The following RYR2 variants were observed in gnomAD, a reference collection of about 807,000 sequenced individuals.
RYR2 encodes the protein cardiac muscle ryanodine receptor-calcium release channel.
Under a neutral mutation model 601.1 loss-of-function variants are expected in RYR2, and 227 were observed. That is an observed-to-expected ratio of 0.38 (90% CI 0.34 to 0.42). The LOEUF (loss-of-function observed/expected upper bound fraction) is 0.42, where lower values mean the gene tolerates loss of function less well. Ranked by LOEUF, RYR2 falls within the 10% of genes least tolerant of loss-of-function variation. The pLI is 1.00. For missense variants in RYR2, 4,646 were observed against 6,156.5 expected (o/e 0.75, Z 8.21); for synonymous variants, 2,223 against 2,175.1 (o/e 1.02, Z -0.61).
At chr1:237,590,104 A>G (rs1674984570) in intron 30 of RYR2, 103 bp downstream of exon 30, 7 of 1,059,620 alleles carry the variant, frequency 6.6e-6, no homozygotes, top group South Asian at 1.7e-5. Context: ...CTTACTTAAA[A>G]TGATGACCTT....
intron 29 of RYR2, among the ~76,000 whole-genome samples, chr1:237,585,161 A>T (rs1301471752): frequency 6.6e-6 from 1 of 152,076 alleles, no homozygotes; most frequent in Non-Finnish European, 1.5e-5. Flanking sequence ...GATCCATGAA[A>T]CCTAAAATGT....
intron 1 of RYR2, among the ~76,000 whole-genome samples, chr1:237,050,969 C>T (rs1661190104): frequency 6.6e-6 from 1 of 152,216 alleles, no homozygotes; most frequent in Admixed American, 6.5e-5. Context: ...CGGTCTCACA[C>T]ACACGCACAC....
intron 1 of RYR2, among the ~76,000 whole-genome samples, chr1:237,111,439 T>C (rs1417122231): frequency 6.6e-6 from 1 of 151,992 alleles, no homozygotes; most frequent in Non-Finnish European, 1.5e-5. Context: ...AATACAAAAA[T>C]TAGCCGGGCG....
intron 63 of RYR2, among the ~76,000 whole-genome samples, chr1:237,688,605 A>G (rs549168098): frequency 1.3e-5 from 2 of 152,240 alleles, no homozygotes; most frequent in South Asian, 4.1e-4. Context: ...TTTTACATTA[A>G]TATTTCAGTT....
Position 237,525,439 on chromosome 1 carries a change from G to GT in RYR2, c.2823-4980dup, listed in dbSNP as rs200240810. On this transcript the variant is annotated intron_variant, in intron 24 of 104. Coordinates refer to ENST00000366574, the MANE Select transcript of RYR2 (RefSeq NM_001035.3). Reference sequence around the variant, plus strand: ...CCGCAATGAACATGTGAGTGCAGGTGTTTTTTTTGTTTGTTTGTTTTTTGT... The same window carrying GT: ...CCGCAATGAACATGTGAGTGCAGGTGTTTTTTTTTGTTTGTTTGTTTTTTGT... 4.2e-3 allele frequency among the ~76,000 whole-genome samples: 555 copies of GT among 133,510 alleles called. 3 individuals are homozygous for GT. Among genetic ancestry groups the GT allele is most frequent in the African/African-American group, 0.013 (519 of 40,312 alleles). 87.6% of individuals were successfully genotyped at this position (133,510 alleles called of 152,430 possible).
intron 2 of RYR2, among the ~76,000 whole-genome samples, chr1:237,323,511 C>T (rs866757848): frequency 3.3e-5 from 5 of 152,182 alleles, no homozygotes; most frequent in East Asian, 3.9e-4. Context: ...TGCACTGACA[C>T]GTCTGAGTCA....
chr1:237,781,029 A>G (rs1695061106), intron 88 of RYR2, among the ~76,000 whole-genome samples: 1 of 152,028 alleles, frequency 6.6e-6, no homozygotes, highest in African/African-American at 2.4e-5. Flanking sequence ...TTATTGCTAT[A>G]TATGTTCATT....
chr1:237,670,469 T>C (rs1417916127), intron 58 of RYR2, among the ~76,000 whole-genome samples: 1 of 152,212 alleles, frequency 6.6e-6, no homozygotes, highest in African/African-American at 2.4e-5. Context: ...ATTAATTCAT[T>C]GTTTGGCTCA....
chr1:237,104,097 CA>C (rs1482779972), intron 1 of RYR2, among the ~76,000 whole-genome samples: 3 of 152,150 alleles, frequency 2.0e-5, no homozygotes, highest in African/African-American at 7.2e-5. Flanking sequence ...TCCTCTGGAC[CA>C]GCAAGGGGCT....
chr1:237,044,345 G>A (rs1017703666), intron 1 of RYR2, among the ~76,000 whole-genome samples: 10 of 152,202 alleles, frequency 6.6e-5, no homozygotes, highest in Non-Finnish European at 1.0e-4. Context: ...TAGGCTTCAT[G>A]CACTCAAGGG....
chr1:237,320,521 C>A (rs1695525710), intron 2 of RYR2, among the ~76,000 whole-genome samples: 1 of 152,154 alleles, frequency 6.6e-6, no homozygotes, highest in African/African-American at 2.4e-5. Context: ...CTCTGAAGTA[C>A]CTCCAGATCA....
chr1:237,357,696 A>G (rs1699419539), intron 4 of RYR2, among the ~76,000 whole-genome samples: 1 of 152,084 alleles, frequency 6.6e-6, no homozygotes, highest in South Asian at 2.1e-4. Context: ...TATCTCTGAT[A>G]TTTTCTGAGC....
intron 2 of RYR2, among the ~76,000 whole-genome samples, chr1:237,290,489 T>G (rs1260528575): frequency 8.5e-5 from 13 of 152,210 alleles, no homozygotes; most frequent in Admixed American, 7.9e-4. Flanking sequence ...AGTTGTATAC[T>G]TATAAGTGGT....
chr1:237,239,219 G>T (rs1685899260), intron 1 of RYR2, among the ~76,000 whole-genome samples: 1 of 152,100 alleles, frequency 6.6e-6, no homozygotes, highest in Non-Finnish European at 1.5e-5. Context: ...AGGGTTGTTT[G>T]TCTGGGGTAA....
At position 237,792,296 on chromosome 1, in the gene RYR2, C is replaced by T; in HGVS notation, c.13755C>T (p.Phe4585=). The change falls in exon 94 of 105, where the codon TTC becomes TTT. Residue 4585 remains phenylalanine (F), a synonymous_variant. Transcript: ENST00000366574. The part of the protein sequence containing the change: ...LAILHTVISF[F]CIIGYYCLKV... ...TTCTGCACACGGTCATTTCTTTCTT[C>T]TGCATCATTGGATACTACTGCTTGA... The T allele has an allele frequency of 1.9e-6, 3 of 1,611,354 alleles. No homozygotes were observed. The highest frequency in any genetic ancestry group is 2.5e-6 in the Non-Finnish European group (3 of 1,178,318).
At chr1:237,616,858 A>G (rs1260891255) in intron 37 of RYR2, among the ~76,000 whole-genome samples, 1 of 152,176 alleles carries the variant, frequency 6.6e-6, no homozygotes, top group African/African-American at 2.4e-5. Context: ...GCAAAGTCAC[A>G]TCTTACATGG....
chr1:237,664,623 A>G (rs1268074119), intron 56 of RYR2, among the ~76,000 whole-genome samples: 2 of 152,178 alleles, frequency 1.3e-5, no homozygotes, highest in East Asian at 1.9e-4. Flanking sequence ...AAATGCCCCT[A>G]TGATTCAGTT....
chr1:237,066,632 C>T (rs539425126), intron 1 of RYR2, among the ~76,000 whole-genome samples: 5 of 138,800 alleles, frequency 3.6e-5, no homozygotes, highest in South Asian at 2.5e-4. Context: ...ATTTGCCACC[C>T]GTGTCTTTCT....
At chr1:237,257,163 T>C (rs1182370369) in intron 1 of RYR2, among the ~76,000 whole-genome samples, 1 of 152,308 alleles carries the variant, frequency 6.6e-6, no homozygotes, top group East Asian at 1.9e-4. Context: ...GGAGACAATA[T>C]AGTCTTGAGG....
Sources: allele counts gnomAD v4.1 joint callset (sites outside exome capture counted in the v4.1 genomes callset), GRCh38; gene constraint gnomAD v4.1.1; transcripts MANE v1.5; gene names NCBI Gene and HGNC (gene_info 2026-07-23, HGNC 2026-07-21).